Variants in SEMA4A observed in about 807,000 individuals in gnomAD.
SEMA4A encodes the protein semaphorin 4A.
In SEMA4A, 52 loss-of-function variants were observed where a neutral mutation model predicts 72.5. The observed-to-expected ratio is 0.72, with a 90% confidence interval of 0.57 to 0.90. SEMA4A has a LOEUF of 0.90. Ranked by LOEUF, SEMA4A falls within the 40% of genes least tolerant of loss-of-function variation. The pLI is 0.00. For synonymous variants in SEMA4A, 369 were observed against 393.1 expected, an observed-to-expected ratio of 0.94 and a Z score of 0.73; for missense variants, 926 against 959.7, an observed-to-expected ratio of 0.96 and a Z score of 0.46.
At position 156,175,133 on chromosome 1, in the gene SEMA4A, A is replaced by G; in HGVS notation, c.1482A>G (p.Arg494=). 1 of 1,614,038 alleles carries G rather than the reference A, an allele frequency of 6.2e-7. No individual in the cohort carries two copies. The highest frequency in any genetic ancestry group is 8.5e-7 in the Non-Finnish European group (1 of 1,180,000). The part of the protein sequence containing the change: ...GFSGGVWRVP[R]ANCSVYESCV... Reference sequence around the variant, plus strand: ...CAGGAGGTGTCTGGAGGGTGCCCCGAGCCAACTGTAGTGTCTATGAGAGCT... The same window carrying G: ...CAGGAGGTGTCTGGAGGGTGCCCCGGGCCAACTGTAGTGTCTATGAGAGCT... Residue 494 remains arginine (R), a synonymous_variant, in exon 13 of 15, where the codon CGA becomes CGG. Coordinates refer to ENST00000368285, the MANE Select transcript of SEMA4A (RefSeq NM_022367.4).
At chr1:156,161,293 G>T in intron 8 of SEMA4A, 53 bp from the exon 9 acceptor site, 1 of 1,230,120 alleles carries the variant, frequency 8.1e-7, no homozygotes, top group Non-Finnish European at 1.1e-6. Flanking sequence ...GGACACGCGG[G>T]GCTGGGGGGT....
chr1:156,152,410 C>T (rs975132762), upstream of SEMA4A, among the ~76,000 whole-genome samples: 2 of 152,162 alleles, frequency 1.3e-5, no homozygotes, highest in African/African-American at 4.8e-5. Context: ...CCCAAATGAG[C>T]CAATCTGTTT....
chr1:156,161,989 G>A (rs1653705608), intron 9 of SEMA4A, among the ~76,000 whole-genome samples: 1 of 152,174 alleles, frequency 6.6e-6, no homozygotes, highest in South Asian at 2.1e-4. Context: ...TCGGCCGGGT[G>A]CGGTGGCTCA....
intron 14 of SEMA4A, among the ~76,000 whole-genome samples, 156 bp from the exon 15 acceptor site, chr1:156,176,249 T>C (rs939185856): frequency 6.6e-6 from 1 of 151,432 alleles, no homozygotes; most frequent in East Asian, 1.9e-4. Flanking sequence ...TGAGCTGAGG[T>C]TGTGCCACTG....
At position 156,161,123 on chromosome 1, in the gene SEMA4A, G is replaced by C. The variant is rs1020605545; in HGVS notation, c.810+94G>C. Reference sequence around the variant, plus strand: ...TGAGTGGTGGGCCCCCAGTGAGAGCGGGGGAGCGGGGCGGGGAACAAGCGG... The same window carrying C: ...TGAGTGGTGGGCCCCCAGTGAGAGCCGGGGAGCGGGGCGGGGAACAAGCGG... On this transcript the variant is annotated intron_variant, in intron 8 of 14. Transcript: ENST00000368285. 5.7e-5 allele frequency: 80 copies of C among 1,399,706 alleles called. No individual in the cohort carries two copies. In the African/African-American group the frequency reaches 5.9e-4, roughly 10 times the overall value. The allele number at this position is 1,399,706 out of a possible 1,614,324, so 86.7% of individuals were successfully genotyped here. A position where few individuals can be genotyped will look rare whatever the true frequency, so the allele number is the denominator to read the frequency against.
chr1:156,156,709 G>T, intron 3 of SEMA4A, 135 bp downstream of exon 3: 1 of 824,644 alleles, frequency 1.2e-6, no homozygotes, highest in Non-Finnish European at 2.0e-6. Flanking sequence ...TATGTATATC[G>T]TGACAATATA....
Position 156,156,423 on chromosome 1 carries a change from G to T in SEMA4A, c.149G>T (p.Arg50Leu), listed in dbSNP as rs141456930. The change falls in exon 3 of 15, where the codon CGT (arginine) becomes CTT (leucine). Residue 50 changes from arginine to leucine, a missense_variant. Arg to Leu is a moderately radical substitution (Grantham distance 102, BLOSUM62 -2). Transcript: ENST00000368285. ...CTTACTCCTCCAACAGGGGATGAAC[G>T]TAGGGCACTTAGCTTCTTCCACCAG... ...PRVRYYAGDE[R>L]RALSFFHQKG... 10 of 1,613,930 alleles carry T rather than the reference G, an allele frequency of 6.2e-6. No homozygotes were observed. In the African/African-American group the frequency reaches 1.3e-4, roughly 22 times the overall value.
intron 6 of SEMA4A, among the ~76,000 whole-genome samples, chr1:156,159,935 A>G (rs1054416763): frequency 0.016 from 2,462 of 151,704 alleles, 29 homozygotes; most frequent in Non-Finnish European, 0.027. Flanking sequence ...AAAAAAAAAA[A>G]AAAGGGAGAG....
At chr1:156,161,052 G>T in intron 8 of SEMA4A, 23 bp downstream of exon 8, 2 of 1,252,598 alleles carry the variant, frequency 1.6e-6, no homozygotes, top group South Asian at 2.4e-5. Flanking sequence ...GGCGGGGGGC[G>T]GGGCTAACTG....
chr1:156,163,255 A>C, intron 10 of SEMA4A, 161 bp downstream of exon 10: 1 of 755,364 alleles, frequency 1.3e-6, no homozygotes, highest in Non-Finnish European at 2.2e-6. Flanking sequence ...TATATTCCAC[A>C]TGTGCCTAGC....
Position 156,154,544 on chromosome 1 carries a change from C to T in SEMA4A, c.-29-6C>T, listed in dbSNP as rs1353826866. 1.2e-6 allele frequency: 2 copies of T among 1,600,334 alleles called. No individual in the cohort carries two copies. The highest frequency in any genetic ancestry group is 1.7e-6 in the Non-Finnish European group (2 of 1,176,772). On this transcript the variant is annotated splice_region_variant and splice_polypyrimidine_tract_variant and intron_variant, in intron 1 of 14. Transcript: ENST00000368285. ...CCAGAAAGTGCCCGGGTGCCTGTTT[C>T]CCCAGAGCTCCCTGGTGACAGTCTG...
intron 10 of SEMA4A, among the ~76,000 whole-genome samples, chr1:156,167,907 G>A (rs978581039): frequency 2.4e-5 from 3 of 126,136 alleles, no homozygotes; most frequent in African/African-American, 9.1e-5. Context: ...TTTCCTCTTA[G>A]TTTTTTTGTT....
chr1:156,158,056 C>T lies in SEMA4A; in HGVS notation c.301-14C>T, dbSNP rs769251682. 2 of 1,613,948 alleles carry T rather than the reference C, an allele frequency of 1.2e-6. No individual in the cohort carries two copies. Among genetic ancestry groups the T allele is most frequent in the Non-Finnish European group, 1.7e-6 (2 of 1,179,970 alleles). ...ATTTCTTTTCATCTCGCCCTCCCAA[C>T]TCCCCACTTTCAGATACCGTGGCCA... On this transcript the variant is annotated splice_polypyrimidine_tract_variant and intron_variant, in intron 3 of 14. Coordinates refer to ENST00000368285, the MANE Select transcript of SEMA4A (RefSeq NM_022367.4).
rs1212982638 is a variant in SEMA4A, at chr1:156,177,156, T to G, written c.*159T>G. 1.4e-6 allele frequency: 1 copy of G among 728,932 alleles called. No homozygotes were observed. Among genetic ancestry groups the G allele is most frequent in the Non-Finnish European group, 2.4e-6 (1 of 415,148 alleles). The allele number at this position is 728,932 out of a possible 1,614,324, so 45.2% of individuals were successfully genotyped here. On this transcript the variant is annotated 3_prime_UTR_variant, in exon 15 of 15. Transcript: ENST00000368285. Reference sequence around the variant, plus strand: ...GCATCACTGATGACACTCAGCAGGGTGATGCACAGCAGTCTGCCTCCCCTA... The same window carrying G: ...GCATCACTGATGACACTCAGCAGGGGGATGCACAGCAGTCTGCCTCCCCTA...
chr1:156,154,563 C>CA lies in SEMA4A; in HGVS notation c.-15dup. On this transcript the variant is annotated 5_prime_UTR_variant, in exon 2 of 15. Transcript: ENST00000368285. ...CTGTTTCCCCAGAGCTCCCTGGTGA[C>CA]AGTCTGTGGCTGAGCATGGCCCTCC... 1 of 1,607,442 alleles carries CA rather than the reference C, an allele frequency of 6.2e-7. No individual in the cohort carries two copies. The highest frequency in any genetic ancestry group is 8.5e-7 in the Non-Finnish European group (1 of 1,178,892).
Position 156,160,503 on chromosome 1 carries a change from G to T in SEMA4A, c.629G>T (p.Arg210Leu). 6.2e-7 allele frequency: 1 copy of T among 1,614,050 alleles called. No individual in the cohort carries two copies. The highest frequency in any genetic ancestry group is 8.5e-7 in the Non-Finnish European group (1 of 1,180,002). ...CTGGGCAGTGAGCCCATCCTGATGCGCACACTGGGATCCCAGCCTGTCCTC... is the reference window on the plus strand; with the variant it reads ...CTGGGCAGTGAGCCCATCCTGATGCTCACACTGGGATCCCAGCCTGTCCTC... ...NFLGSEPILM[R>L]TLGSQPVLKT... The change falls in exon 7 of 15, where the codon CGC becomes CTC. Residue 210 changes from arginine to leucine, a missense_variant. Physicochemically the swap from Arg to Leu is moderately radical, Grantham distance 102. Transcript: ENST00000368285.
chr1:156,169,739 A>C (rs577737184), intron 10 of SEMA4A, among the ~76,000 whole-genome samples: 8 of 150,772 alleles, frequency 5.3e-5, no homozygotes, highest in Admixed American at 2.0e-4. Context: ...CTTTTTAAAA[A>C]TTCCCTGGTC....
chr1:156,176,750 A>G lies in SEMA4A; in HGVS notation c.2039A>G (p.Tyr680Cys). The G allele has an allele frequency of 6.2e-7, 1 of 1,612,408 alleles. No individual in the cohort carries two copies. The highest frequency in any genetic ancestry group is 8.5e-7 in the Non-Finnish European group (1 of 1,178,642). Reference sequence around the variant, plus strand: ...GCCGCCCTGGCTGCCCAGCAGTCCTACTGGCCCCACTTTGTCACTGTCACT... The same window carrying G: ...GCCGCCCTGGCTGCCCAGCAGTCCTGCTGGCCCCACTTTGTCACTGTCACT... The part of the protein sequence containing the change: ...GGAALAAQQS[Y>C]WPHFVTVTVL... Residue 680 changes from tyrosine (Y) to cysteine (C), a missense_variant, in exon 15 of 15, where the codon TAC becomes TGC. Coordinates refer to ENST00000368285, the MANE Select transcript of SEMA4A (RefSeq NM_022367.4).
At position 156,157,240 on chromosome 1, in the gene SEMA4A, G is replaced by A. The variant is rs538377345; in HGVS notation, c.300+666G>A. On this transcript the variant is annotated intron_variant, in intron 3 of 14. Coordinates refer to ENST00000368285, the MANE Select transcript of SEMA4A (RefSeq NM_022367.4). The surrounding 1 kb of genome is among the most constrained non-coding windows in gnomAD (Gnocchi z 4.5). Reference sequence around the variant, plus strand: ...CTCACTCTGTTGTCCAGGCTGGAGTGCAATGGCGTGATCTTGGCTCACTGT... The same window carrying A: ...CTCACTCTGTTGTCCAGGCTGGAGTACAATGGCGTGATCTTGGCTCACTGT... Among the ~76,000 whole-genome samples, 2 of 151,710 alleles carry A rather than the reference G, an allele frequency of 1.3e-5. No homozygotes were observed. Among genetic ancestry groups the A allele is most frequent in the South Asian group, 4.2e-4 (2 of 4,796 alleles).
Sources: gnomAD v4.1 joint callset for allele counts (sites outside exome capture counted in the v4.1 genomes callset) on GRCh38, gnomAD v4.1.1 for gene constraint, Gnocchi (gnomAD v3.1) non-coding constraint, MANE v1.5 for transcripts, NCBI Gene and HGNC (gene_info 2026-07-23, HGNC 2026-07-21) for gene names.